AKAP9: variants seen among roughly 807,000 people sequenced by gnomAD.
AKAP9 encodes A-kinase anchor protein 9.
A neutral mutation model predicts 488.5 loss-of-function variants in AKAP9; 311 were observed. That is an observed-to-expected ratio of 0.64 (90% confidence interval 0.58 to 0.70). The LOEUF (loss-of-function observed/expected upper bound fraction) is 0.70, where lower values mean the gene tolerates loss of function less well. Among genes scored for constraint, AKAP9 ranks in the 30% least tolerant of loss-of-function variants. The pLI, the probability that AKAP9 is intolerant of heterozygous loss-of-function variation, is 0.00. For missense variants in AKAP9, 4,215 were observed against 4,374.5 expected (o/e 0.96, Z 1.03); for synonymous variants, 1,462 against 1,483.5 (o/e 0.99, Z 0.33).
intron 26 of AKAP9, among the ~76,000 whole-genome samples, chr7:92,067,947 C>A (rs1224814998): frequency 1.3e-5 from 2 of 152,086 alleles, no homozygotes; most frequent in African/African-American, 2.4e-5. Flanking sequence ...ATTTTTATTT[C>A]GAATGTAATT....
At chr7:91,998,219 G>A (rs2130653594) in intron 7 of AKAP9, among the ~76,000 whole-genome samples, 1 of 152,148 alleles carries the variant, frequency 6.6e-6, no homozygotes, top group Middle Eastern at 3.4e-3. Flanking sequence ...CTGCTGTGTG[G>A]CCCCATCTCT....
In AKAP9 at chr7:92,079,198, G is replaced by A. The variant is rs765187901; in HGVS notation, c.7065G>A (p.Val2355=). 10 of 1,613,904 alleles carry A rather than the reference G, an allele frequency of 6.2e-6. No homozygotes were observed. ...AAGAAATAGAGCAGCTCAATGAAGT[G>A]ATTGAAAAACTTCAACAGGAATTGG... ...REEEIEQLNE[V]IEKLQQELAN... The change falls in exon 31 of 50, where the codon GTG becomes GTA. Residue 2355 remains valine, a synonymous_variant. Coordinates refer to ENST00000356239, the MANE Select transcript of AKAP9 (RefSeq NM_005751.5).
At chr7:92,010,436 G>A (rs1244622306) in intron 8 of AKAP9, among the ~76,000 whole-genome samples, 5 of 152,362 alleles carry the variant, frequency 3.3e-5, no homozygotes, top group South Asian at 4.1e-4. Flanking sequence ...TGCCCGCAGG[G>A]CCAGCTAGTC....
chr7:91,960,155 CA>C lies in AKAP9; in HGVS notation c.49-13550del, dbSNP rs1256664684. ...TTTCTTAGCTTTTCTACAGCAAAAA[CA>C]AAAAACAGCTCTATTTACTGCTATT... On this transcript the variant is annotated intron_variant, in intron 1 of 49. Transcript: ENST00000356239. 4.0e-5 allele frequency among the ~76,000 whole-genome samples: 6 copies of C among 151,898 alleles called. No homozygotes were observed. In the East Asian group the frequency reaches 1.2e-3, roughly 29 times the overall value.
chr7:91,991,749 G>A (rs1350635122), intron 3 of AKAP9, among the ~76,000 whole-genome samples: 2 of 152,308 alleles, frequency 1.3e-5, no homozygotes, highest in Non-Finnish European at 2.9e-5. Flanking sequence ...GGGATTACAG[G>A]CGTGAGCCAC....
intron 20 of AKAP9, among the ~76,000 whole-genome samples, chr7:92,044,209 G>A (rs1806586806): frequency 6.6e-6 from 1 of 152,174 alleles, no homozygotes; most frequent in Admixed American, 6.5e-5. Context: ...GTTTTTTGGT[G>A]AGTGGTTAGC....
rs745808888 is a variant in AKAP9 at position 92,085,683 on chromosome 7, C to T, written c.9021C>T (p.Ala3007=). Reference sequence around the variant, plus strand: ...CAAAGATGCAACTGCAAAGAGAAGCCGAGGTAACCAAAGAATACTATGCAT... The same window carrying T: ...CAAAGATGCAACTGCAAAGAGAAGCTGAGGTAACCAAAGAATACTATGCAT... The part of the protein sequence containing the change: ...LITKMQLQRE[A]EVYDSSQSHE... Residue 3007 remains alanine, a synonymous_variant, in exon 36 of 50, where the codon GCC becomes GCT. Transcript: ENST00000356239. The T allele has an allele frequency of 1.2e-5, 20 of 1,609,082 alleles. No homozygotes were observed. Among genetic ancestry groups the T allele is most frequent in the Middle Eastern group, 1.8e-4 (1 of 5,440 alleles).
chr7:92,029,856 T>C, intron 14 of AKAP9, 39 bp from the exon 15 acceptor site: 1 of 1,528,266 alleles, frequency 6.5e-7, no homozygotes, highest in Non-Finnish European at 9.1e-7. Context: ...AAAGCACATA[T>C]ACAACTCTAA....
intron 43 of AKAP9, 72 bp from the exon 44 acceptor site, chr7:92,099,615 C>T: frequency 1.4e-6 from 2 of 1,410,128 alleles, no homozygotes; most frequent in Middle Eastern, 3.5e-4. Context: ...TTCTCGGTGC[C>T]TATTCACACT....
chr7:92,019,994 A>G (rs1802098162), intron 12 of AKAP9, among the ~76,000 whole-genome samples: 1 of 152,096 alleles, frequency 6.6e-6, no homozygotes, highest in African/African-American at 2.4e-5. Flanking sequence ...AGCCTGGGCA[A>G]CAGAGTGAGA....
Position 92,001,386 on chromosome 7 carries a change from TAATG to T in AKAP9, c.1474_1477del (p.Asn492TrpfsTer3). On this transcript the variant is annotated frameshift_variant, in exon 8 of 50. Transcript: ENST00000356239. LOFTEE classifies it high-confidence loss of function. ...ACAGTTAATGAAGATCAGATAAAGT[TAATG>T]AATGTGGCAATAAATGAACTGAATA... 3 of 1,613,858 alleles carry T rather than the reference TAATG, an allele frequency of 1.9e-6. No individual in the cohort carries two copies. The highest frequency in any genetic ancestry group is 2.5e-6 in the Non-Finnish European group (3 of 1,179,796).
intron 11 of AKAP9, 65 bp from the exon 12 acceptor site, chr7:92,016,951 AT>A: frequency 1.6e-6 from 2 of 1,213,738 alleles, no homozygotes; most frequent in Non-Finnish European, 2.4e-6. Flanking sequence ...GGTGAATAAT[AT>A]TTATTGAAAG....
At chr7:91,943,201 A>AAAAC (rs1439316526) in intron 1 of AKAP9, among the ~76,000 whole-genome samples, 2 of 152,192 alleles carry the variant, frequency 1.3e-5, no homozygotes, top group East Asian at 1.9e-4. Context: ...CCTGTTTCAG[A>AAAAC]AAACAAACAA....
intron 1 of AKAP9, among the ~76,000 whole-genome samples, chr7:91,971,712 C>T (rs986177995): frequency 2.0e-4 from 31 of 151,516 alleles, no homozygotes; most frequent in Non-Finnish European, 3.7e-4. Flanking sequence ...GGATTACAGG[C>T]GCCTGCCACC....
intron 27 of AKAP9, 47 bp downstream of exon 27, chr7:92,070,253 A>C: frequency 6.4e-7 from 1 of 1,571,858 alleles, no homozygotes; most frequent in Non-Finnish European, 8.8e-7. Flanking sequence ...TTAATGAAGA[A>C]TACTCTTAAA....
intron 18 of AKAP9, chr7:92,041,599 A>G (rs961542118): frequency 1.2e-5 from 2 of 160,286 alleles, no homozygotes; most frequent in African/African-American, 2.4e-5. Flanking sequence ...TTTATGTAGA[A>G]GTTCTTATGA....
rs1805973830 is a variant in AKAP9, at chr7:92,040,816, A to G, written c.4835A>G (p.His1612Arg). ...GCAACGGAATTGTTAAGGCAAGCAC[A>G]TATGCGGCAAATGGAGAGACAGCGA... ...QQATELLRQA[H>R]MRQMERQRED... The change falls in exon 18 of 50, where the codon CAT (histidine) becomes CGT (arginine). Residue 1612 changes from histidine to arginine, a missense_variant. By Grantham distance (29) the His-to-Arg change is conservative. Around this residue, in one of 5 missense-constraint regions of AKAP9, gnomAD observed 2,361 missense variants for 2,430.0 expected, o/e 0.97. Coordinates refer to ENST00000356239, the MANE Select transcript of AKAP9 (RefSeq NM_005751.5). 1.2e-6 allele frequency: 2 copies of G among 1,614,108 alleles called. No homozygotes were observed. The highest frequency in any genetic ancestry group is 1.7e-6 in the Non-Finnish European group (2 of 1,180,018).
chr7:92,008,231 G>A (rs1173296736), intron 8 of AKAP9, among the ~76,000 whole-genome samples: 2 of 152,062 alleles, frequency 1.3e-5, no homozygotes, highest in African/African-American at 4.8e-5. Context: ...GCCGGGCATG[G>A]GGGCGCGTGC....
chr7:92,067,913 T>G (rs1015057665), intron 26 of AKAP9, among the ~76,000 whole-genome samples: 1 of 152,222 alleles, frequency 6.6e-6, no homozygotes, highest in African/African-American at 2.4e-5. Flanking sequence ...AGTGAACACT[T>G]TAACTAGTAT....
Sources: allele counts gnomAD v4.1 joint callset (sites outside exome capture counted in the v4.1 genomes callset), GRCh38; gene constraint gnomAD v4.1.1; regional missense constraint gnomAD v4.1.1; transcripts MANE v1.5; gene names NCBI Gene and HGNC (gene_info 2026-07-23, HGNC 2026-07-21).